Variants in BCL7C observed in about 807,000 individuals in gnomAD.
BCL7C encodes BAF chromatin remodeling complex subunit BCL7C.
BCL7C carries 8 observed loss-of-function variants against 26.2 expected under a neutral mutation model. That is an observed-to-expected ratio of 0.30 (90% CI 0.18 to 0.55). BCL7C has a LOEUF of 0.55. Among genes scored for constraint, BCL7C ranks in the 20% least tolerant of loss-of-function variants. The probability of loss-of-function intolerance (pLI) is 0.93; values close to 1 mark genes in which losing one functional copy is unlikely to be tolerated. For missense variants in BCL7C, 262 were observed against 298.5 expected, an observed-to-expected ratio of 0.88 and a Z score of 0.90; for synonymous variants, 90 against 116.5, an observed-to-expected ratio of 0.77 and a Z score of 1.47.
At chr16:30,875,453 C>G (rs937916941) in intron 5 of BCL7C, 2 of 152,364 alleles carry the variant, frequency 1.3e-5, no homozygotes, top group Admixed American at 1.3e-4. Context: ...CAAGGCTGCG[C>G]CGCCGGCCTT....
chr16:30,872,607 T>C (rs1036880209), intron 5 of BCL7C, among the ~76,000 whole-genome samples: 21 of 152,158 alleles, frequency 1.4e-4, no homozygotes, highest in African/African-American at 4.8e-4. Context: ...TAGAAATATT[T>C]GAATATTTGT....
chr16:30,879,697 A>AAAAAAAAAAAAAAAAAAAAAAAAAAAC (rs2055010869), intron 5 of BCL7C, among the ~76,000 whole-genome samples: 1 of 143,650 alleles, frequency 7.0e-6, no homozygotes, highest in Non-Finnish European at 1.5e-5. Flanking sequence ...TACAAAAAAA[A>AAAAAAAAAAAAAAAAAAAAAAAAAAAC]AAAAAAAAAA....
At chr16:30,882,743 C>G (rs1277388706) in intron 5 of BCL7C, among the ~76,000 whole-genome samples, 3 of 152,146 alleles carry the variant, frequency 2.0e-5, no homozygotes, top group Non-Finnish European at 1.5e-5. Flanking sequence ...GAAAGATTGC[C>G]CAGCTACTGG....
intron 5 of BCL7C, among the ~76,000 whole-genome samples, chr16:30,878,885 G>GA (rs2054996885): frequency 6.6e-6 from 1 of 151,922 alleles, no homozygotes; most frequent in African/African-American, 2.4e-5. Flanking sequence ...GCAGCCATCA[G>GA]AATATTTAAA....
chr16:30,871,954 G>A (rs2054886131), intron 5 of BCL7C, among the ~76,000 whole-genome samples: 2 of 152,142 alleles, frequency 1.3e-5, no homozygotes, highest in Admixed American at 6.5e-5. Context: ...GAGGTGGACT[G>A]AGTTAAATCG....
chr16:30,860,834 T>C lies in BCL7C; in HGVS notation c.529-25686A>G, dbSNP rs138819388. Among the ~76,000 whole-genome samples, 677 of 152,262 alleles carry C rather than the reference T, an allele frequency of 4.4e-3. 4 individuals carry two copies. Among genetic ancestry groups the C allele is most frequent in the African/African-American group, 0.016 (647 of 41,552 alleles). Reference sequence around the variant, plus strand: ...AATCCTCCTTTTCTATGAACCTATCTGACCTCTCCCCTCCTTCCCAGGCTG... The same window carrying C: ...AATCCTCCTTTTCTATGAACCTATCCGACCTCTCCCCTCCTTCCCAGGCTG... On this transcript the variant is annotated intron_variant, in intron 5 of 5. Transcript: ENST00000380317.
At chr16:30,865,708 T>C (rs1166280706) in intron 5 of BCL7C, among the ~76,000 whole-genome samples, 3 of 149,704 alleles carry the variant, frequency 2.0e-5, no homozygotes, top group East Asian at 2.0e-4. Flanking sequence ...ACCGTGCACA[T>C]ACATATGGCT....
At chr16:30,856,439 T>TAA (rs61380254) in intron 5 of BCL7C, among the ~76,000 whole-genome samples, 2,755 of 116,466 alleles carry the variant, frequency 0.024, 57 homozygotes, top group African/African-American at 0.042. Context: ...AGACTCCGTC[T>TAA]AAAAAAAAAA....
chr16:30,875,534 A>ACTGCGAGCACAGCCCTGAGACAAGG (rs1177467885), intron 5 of BCL7C: 7 of 152,242 alleles, frequency 4.6e-5, no homozygotes. Flanking sequence ...AGATGCCTCC[A>ACTGCGAGCACAGCCCTGAGACAAGG]CTGCGAGCAC....
chr16:30,884,592 G>T (rs1375147976), downstream of BCL7C, among the ~76,000 whole-genome samples: 3 of 151,066 alleles, frequency 2.0e-5, no homozygotes, highest in Non-Finnish European at 4.4e-5. Context: ...CTCCTCCCGG[G>T]TTCAAGAGAT....
At chr16:30,885,529 G>C (rs998533582), downstream of BCL7C, among the ~76,000 whole-genome samples, 1 of 151,404 alleles carries the variant, frequency 6.6e-6, no homozygotes, top group Non-Finnish European at 1.5e-5. Context: ...TCAGCTTCCC[G>C]AGTAGCAGGG....
At chr16:30,846,987 C>T (rs544963295) in intron 5 of BCL7C, among the ~76,000 whole-genome samples, 1 of 152,274 alleles carries the variant, frequency 6.6e-6, no homozygotes. Context: ...CTGTGGTGTG[C>T]GATGGATTCT....
chr16:30,881,951 A>AT (rs988010304), intron 5 of BCL7C, among the ~76,000 whole-genome samples: 34 of 144,844 alleles, frequency 2.3e-4, no homozygotes, highest in East Asian at 8.1e-4. Context: ...GAGGGCAGGG[A>AT]TTTTTTTTTT....
At chr16:30,853,688 C>G (rs749151420) in intron 5 of BCL7C, among the ~76,000 whole-genome samples, 17 of 152,134 alleles carry the variant, frequency 1.1e-4, no homozygotes, top group Non-Finnish European at 2.4e-4. Flanking sequence ...TCTGCTAAAC[C>G]CTTCACTGTG....
intron 5 of BCL7C, among the ~76,000 whole-genome samples, chr16:30,853,446 T>C (rs903349672): frequency 6.6e-6 from 1 of 152,066 alleles, no homozygotes; most frequent in African/African-American, 2.4e-5. Context: ...GATAACACAT[T>C]CTTCTGGAAT....
downstream of BCL7C, among the ~76,000 whole-genome samples, chr16:30,884,969 T>A (rs140584616): frequency 6.6e-6 from 1 of 152,006 alleles, no homozygotes; most frequent in African/African-American, 2.4e-5. Flanking sequence ...TACAGAACAC[T>A]CTCCTCCCTC....
At chr16:30,870,072 C>G (rs2054869500) in intron 5 of BCL7C, among the ~76,000 whole-genome samples, 1 of 152,138 alleles carries the variant, frequency 6.6e-6, no homozygotes, top group African/African-American at 2.4e-5. Flanking sequence ...TCTCTTAGCC[C>G]AGGGCCTGCC....
chr16:30,867,049 G>C (rs1356616699), intron 5 of BCL7C, among the ~76,000 whole-genome samples: 1 of 152,152 alleles, frequency 6.6e-6, no homozygotes, highest in Non-Finnish European at 1.5e-5. Flanking sequence ...GAGATACCCT[G>C]TCTCAAAAAC....
At chr16:30,868,111 AATATG>A (rs2054844562) in intron 5 of BCL7C, among the ~76,000 whole-genome samples, 1 of 148,100 alleles carries the variant, frequency 6.8e-6, no homozygotes, top group East Asian at 2.1e-4. Context: ...ACGGAATTGT[AATATG>A]ATAAATCTGT....
Sources: gnomAD v4.1 joint callset for allele counts (sites outside exome capture counted in the v4.1 genomes callset) on GRCh38, gnomAD v4.1.1 for gene constraint, MANE v1.5 for transcripts, NCBI Gene and HGNC (gene_info 2026-07-23, HGNC 2026-07-21) for gene names.